The following CCNY variants were observed in gnomAD, a reference collection of about 807,000 sequenced individuals.
CCNY encodes cyclin-Y.
In CCNY, 19 loss-of-function variants were observed where a neutral mutation model predicts 42.8. The observed-to-expected ratio is 0.44, with a 90% CI of 0.31 to 0.65. The LOEUF (loss-of-function observed/expected upper bound fraction) is 0.65, where lower values mean the gene tolerates loss of function less well. Ranked by LOEUF, CCNY falls within the 30% of genes least tolerant of loss-of-function variation. The pLI is 0.07. For synonymous variants in CCNY, 165 were observed against 162.7 expected (o/e 1.01, Z -0.11); for missense variants, 370 against 437.3 (o/e 0.85, Z 1.37).
chr10:35,454,696 A>G, intron 1 of CCNY, among the ~76,000 whole-genome samples: 1 of 152,224 alleles, frequency 6.6e-6, no homozygotes, highest in Non-Finnish European at 1.5e-5. Context: ...TGGTGCATGC[A>G]TAGCATCCTT....
rs56033862 is a variant in CCNY, at chr10:35,482,749, GGTGTGTGTGTGTGTGTGTGTGT to G, written c.155-624_155-603del. Among the ~76,000 whole-genome samples the G allele has an allele frequency of 6.6e-3, 847 of 128,940 alleles. 6 individuals carry two copies. Among genetic ancestry groups the G allele is most frequent in the Middle Eastern group, 0.016 (4 of 250 alleles). The allele number at this position is 128,940 out of a possible 152,430, so 84.6% of individuals were successfully genotyped here. A position where few individuals can be genotyped will look rare whatever the true frequency, so the allele number is the denominator to read the frequency against. On this transcript the variant is annotated intron_variant, in intron 1 of 9. Coordinates refer to ENST00000374704, the MANE Select transcript of CCNY (RefSeq NM_145012.6). Reference sequence around the variant, plus strand: ...GATTTCTCAAGGGAAGCTGGAAATAGGTGTGTGTGTGTGTGTGTGTGTGTGTGTGTGTGTGTGTGTGTGTGTG... The same window carrying G: ...GATTTCTCAAGGGAAGCTGGAAATAGGTGTGTGTGTGTGTGTGTGTGTGTG...
intron 3 of CCNY, among the ~76,000 whole-genome samples, chr10:35,285,901 C>T (rs1376587644): frequency 6.6e-6 from 1 of 152,186 alleles, no homozygotes; most frequent in Non-Finnish European, 1.5e-5. Context: ...CAACCTCTGC[C>T]TCCCGGTTTC....
rs554383314 is a variant in CCNY at position 35,530,605 on chromosome 10, G to T, written c.579+362G>T. 6.6e-6 allele frequency among the ~76,000 whole-genome samples: 1 copy of T among 152,264 alleles called. No individual in the cohort carries two copies. The highest frequency in any genetic ancestry group is 2.4e-5 in the African/African-American group (1 of 41,544). ...CTGGTGTTGATTCCCTACAAAGATT[G>T]TAATAGTATTAGTAAGATATGATGA... On this transcript the variant is annotated intron_variant, in intron 7 of 9. Transcript: ENST00000374704. The surrounding 1 kb of genome is among the most constrained non-coding windows in gnomAD (Gnocchi z 4.3).
At chr10:35,348,889 T>A (rs987338950) in intron 1 of CCNY, among the ~76,000 whole-genome samples, 10 of 152,072 alleles carry the variant, frequency 6.6e-5, no homozygotes, top group Non-Finnish European at 1.5e-4. Flanking sequence ...AAGTTGGGTT[T>A]TTTTTTTTTG....
At position 35,426,730 on chromosome 10, in the gene CCNY, A is replaced by G. The variant is rs566856940; in HGVS notation, c.155-56674A>G. ...ATTCCTGAGACCCTTTGTCCAAAAC[A>G]TAAAACATTAACTTGAGGCCAGAAG... On this transcript the variant is annotated intron_variant, in intron 1 of 9. Coordinates refer to ENST00000374704, the MANE Select transcript of CCNY (RefSeq NM_145012.6). Among the ~76,000 whole-genome samples the G allele has an allele frequency of 4.6e-5, 7 of 152,382 alleles. No homozygotes were observed. The South Asian group carries it at 1.4e-3, about 32-fold the overall frequency.
At chr10:35,269,896 G>A (rs1835141467) in intron 3 of CCNY, among the ~76,000 whole-genome samples, 1 of 152,118 alleles carries the variant, frequency 6.6e-6, no homozygotes, top group African/African-American at 2.4e-5. Flanking sequence ...CCAAAGTGCT[G>A]GGGTTACGTG....
chr10:35,468,410 T>C (rs1246082815), intron 1 of CCNY, among the ~76,000 whole-genome samples: 4 of 152,230 alleles, frequency 2.6e-5, no homozygotes. Context: ...TAGACGTGTG[T>C]GTATATGTGT....
chr10:35,465,120 T>A (rs1378331251), intron 1 of CCNY, among the ~76,000 whole-genome samples: 2 of 152,238 alleles, frequency 1.3e-5, no homozygotes, highest in East Asian at 3.9e-4. Flanking sequence ...TTCCTTAAGT[T>A]GTTGAGAAGA....
intron 3 of CCNY, among the ~76,000 whole-genome samples, chr10:35,256,538 C>T (rs978396545): frequency 6.6e-6 from 1 of 151,932 alleles, no homozygotes; most frequent in African/African-American, 2.4e-5. Context: ...TCAAGACCAG[C>T]CTGGCCAGGA....
chr10:35,272,086 A>G (rs1434910765), intron 3 of CCNY, among the ~76,000 whole-genome samples: 1 of 152,136 alleles, frequency 6.6e-6, no homozygotes, highest in Non-Finnish European at 1.5e-5. Context: ...TGCCAGGTTC[A>G]AGTGATTCTC....
At chr10:35,479,263 C>A (rs1311831279) in intron 1 of CCNY, among the ~76,000 whole-genome samples, 1 of 151,814 alleles carries the variant, frequency 6.6e-6, no homozygotes, top group East Asian at 1.9e-4. Flanking sequence ...TGGGTATATA[C>A]CCAAAGGATT....
In CCNY at chr10:35,522,163, G is replaced by A. The variant is rs115840130; in HGVS notation, c.366-3801G>A. Among the ~76,000 whole-genome samples, 516 of 152,098 alleles carry A rather than the reference G, an allele frequency of 3.4e-3. 4 individuals carry two copies. The highest frequency in any genetic ancestry group is 0.012 in the African/African-American group (486 of 41,470). On this transcript the variant is annotated intron_variant, in intron 4 of 9. Coordinates refer to ENST00000374704, the MANE Select transcript of CCNY (RefSeq NM_145012.6). Reference sequence around the variant, plus strand: ...CCAAGGACAGAAGGTGGTGAGCACCGCCACCTCTACACTGACAAGAAAGCA... The same window carrying A: ...CCAAGGACAGAAGGTGGTGAGCACCACCACCTCTACACTGACAAGAAAGCA...
rs557218117 is a variant in CCNY, at chr10:35,451,826, A to AGG, written c.155-31574_155-31573dup. Among the ~76,000 whole-genome samples, 13 of 152,246 alleles carry AGG rather than the reference A, an allele frequency of 8.5e-5. No homozygotes were observed. In the East Asian group the frequency reaches 2.3e-3, roughly 27 times the overall value. On this transcript the variant is annotated intron_variant, in intron 1 of 9. Coordinates refer to ENST00000374704, the MANE Select transcript of CCNY (RefSeq NM_145012.6). The stretch of plus-strand genomic sequence containing the variant: ...CCTCACCTCCACGCATGGCAGGGGC[A>AGG]GGGGGAGCGGTCAGGGCATGCCTGT...
intron 3 of CCNY, among the ~76,000 whole-genome samples, chr10:35,316,731 C>A (rs911027380): frequency 6.6e-6 from 1 of 152,144 alleles, no homozygotes; most frequent in Non-Finnish European, 1.5e-5. Flanking sequence ...GCAATAGCCA[C>A]AGCAATGAAA....
intron 1 of CCNY, among the ~76,000 whole-genome samples, chr10:35,417,603 A>T (rs1838053615): frequency 6.6e-6 from 1 of 152,184 alleles, no homozygotes; most frequent in Non-Finnish European, 1.5e-5. Flanking sequence ...ACACCAGATG[A>T]TTTGTAGAGC....
At chr10:35,274,752 C>T (rs1835217712) in intron 3 of CCNY, among the ~76,000 whole-genome samples, 1 of 152,160 alleles carries the variant, frequency 6.6e-6, no homozygotes, top group South Asian at 2.1e-4. Context: ...TGAATGGAAA[C>T]TGCTTCTCAT....
At position 35,267,520 on chromosome 10, in the gene CCNY, T is replaced by G. The variant is rs568980687; in HGVS notation, c.-9+16894T>G. 8.1e-4 allele frequency among the ~76,000 whole-genome samples: 123 copies of G among 152,248 alleles called. 1 individual carries two copies. The highest frequency in any genetic ancestry group is 2.9e-3 in the African/African-American group (122 of 41,554). ...ACCCCGTTCTGCTGGGATACACAGC[T>G]GACAGTCCAACATGTCCATGGTGGT... On this transcript the variant is annotated intron_variant, in intron 3 of 11. Transcript: ENST00000374706.
At chr10:35,342,245 A>G (rs955128236) in intron 1 of CCNY, among the ~76,000 whole-genome samples, 2 of 152,172 alleles carry the variant, frequency 1.3e-5, no homozygotes, top group African/African-American at 4.8e-5. Context: ...GAGTCTCTAC[A>G]ATCTATTTAA....
chr10:35,403,036 T>G (rs1837676947), intron 1 of CCNY, among the ~76,000 whole-genome samples: 1 of 151,770 alleles, frequency 6.6e-6, no homozygotes, highest in South Asian at 2.1e-4. Context: ...CCAAGTGGTA[T>G]TTTGGTTTCC....
Sources: allele counts gnomAD v4.1 joint callset (sites outside exome capture counted in the v4.1 genomes callset), GRCh38; gene constraint gnomAD v4.1.1; non-coding constraint Gnocchi (gnomAD v3.1); transcripts MANE v1.5; gene names NCBI Gene and HGNC (gene_info 2026-07-23, HGNC 2026-07-21).